The following NOX5 variants were observed in gnomAD, a reference collection of about 807,000 sequenced individuals.
NOX5 encodes the protein NADPH oxidase, EF-hand calcium binding domain 5.
In NOX5, 76 loss-of-function variants were observed where a neutral mutation model predicts 85.7. The ratio of observed to expected loss-of-function variants is 0.89; its 90% CI spans 0.74 to 1.07. NOX5 has a LOEUF of 1.07. NOX5 is among the 50% of genes least tolerant of loss of function. The pLI is 0.00. For synonymous variants in NOX5, 405 were observed against 401.4 expected (o/e 1.01, Z -0.11); for missense variants, 973 against 999.5 (o/e 0.97, Z 0.36).
At position 69,037,012 on chromosome 15, in the gene NOX5, C is replaced by G. The variant is rs770820094; in HGVS notation, c.1189-16C>G. 2.5e-6 allele frequency: 4 copies of G among 1,610,922 alleles called. No homozygotes were observed. The highest frequency in any genetic ancestry group is 3.4e-6 in the Non-Finnish European group (4 of 1,178,380). On this transcript the variant is annotated splice_polypyrimidine_tract_variant and intron_variant, in intron 7 of 15. Coordinates refer to ENST00000388866, the MANE Select transcript of NOX5 (RefSeq NM_024505.4). ...CCTTGAGCTCTGGAAGTTGACTGCCCCCCCTACCCCCATAGGTGTTCTATT... is the reference window on the plus strand; with the variant it reads ...CCTTGAGCTCTGGAAGTTGACTGCCGCCCCTACCCCCATAGGTGTTCTATT...
In NOX5 at chr15:69,062,652, A is replaced by G. The variant is rs1286768167; in HGVS notation, c.*5956A>G. 1 of 152,120 alleles carries G rather than the reference A, an allele frequency of 6.6e-6. No individual in the cohort carries two copies. The highest frequency in any genetic ancestry group is 2.4e-5 in the African/African-American group (1 of 41,412). 9.4% of individuals were successfully genotyped at this position (152,120 alleles called of 1,614,324 possible). A position where few individuals can be genotyped will look rare whatever the true frequency, so the allele number is the denominator to read the frequency against. ...CCTGACACTTGGAGCACCCTTCTCC[A>G]CTTTCAGATTGAGACTTCGGAACAC... On this transcript the variant is annotated 3_prime_UTR_variant, in exon 16 of 16. Transcript: ENST00000388866.
intron 3 of NOX5, chr15:69,029,334 T>C (rs2050399897): frequency 6.6e-6 from 1 of 152,244 alleles, no homozygotes; most frequent in Non-Finnish European, 1.5e-5. Context: ...AGAATTTTAT[T>C]CCTTTTAAGG....
intron 3 of NOX5, 192 bp from the exon 4 acceptor site, chr15:69,031,322 GCAAC>G (rs2050425680): frequency 1.7e-6 from 1 of 601,506 alleles, no homozygotes; most frequent in South Asian, 2.3e-5. Flanking sequence ...CTGGAGACAG[GCAAC>G]CACTGAAGCC....
Position 69,031,588 on chromosome 15 carries a change from C to T in NOX5, c.396C>T (p.Ser132=). Reference sequence around the variant, plus strand: ...GGGCAGGCCCGCACTGGGCTTCATCCCCACTCGGGACAGGCAGTGGCTCCA... The same window carrying T: ...GGGCAGGCCCGCACTGGGCTTCATCTCCACTCGGGACAGGCAGTGGCTCCA... ...GAGAGPHWAS[S]PLGTGSGSID... is the part of the protein sequence containing the mutation. Residue 132 remains serine, a synonymous_variant, in exon 4 of 16, where the codon TCC becomes TCT. Transcript: ENST00000388866. The T allele has an allele frequency of 1.2e-6, 2 of 1,613,066 alleles. No homozygotes were observed. The highest frequency in any genetic ancestry group is 1.7e-6 in the Non-Finnish European group (2 of 1,180,040).
Position 69,058,964 on chromosome 15 carries a change from T to G in NOX5, c.*2268T>G, listed in dbSNP as rs2050845528. ...CAGGATGTCTCACACATGCACTCAA[T>G]GCACACACACACATGCATGTCACCG... is the stretch of plus-strand genomic sequence containing the variant. On this transcript the variant is annotated 3_prime_UTR_variant, in exon 16 of 16. Transcript: ENST00000388866. The G allele has an allele frequency of 6.6e-6, 1 of 152,204 alleles. No individual in the cohort carries two copies. 9.4% of individuals were successfully genotyped at this position (152,204 alleles called of 1,614,324 possible). A position where few individuals can be genotyped will look rare whatever the true frequency, so the allele number is the denominator to read the frequency against.
intron 13 of NOX5, 24 bp from the exon 14 acceptor site, chr15:69,048,935 G>T: frequency 6.3e-7 from 1 of 1,586,370 alleles, no homozygotes; most frequent in South Asian, 1.1e-5. Context: ...CCCAGCCTCT[G>T]AGCTGAAGGG....
At chr15:69,049,374 A>G (rs922449586) in intron 14 of NOX5, among the ~76,000 whole-genome samples, 2 of 151,542 alleles carry the variant, frequency 1.3e-5, no homozygotes, top group African/African-American at 4.8e-5. Flanking sequence ...TTTTTCTCGT[A>G]GAGATGAAAT....
At chr15:69,039,563 G>C (rs1567102064) in intron 9 of NOX5, among the ~76,000 whole-genome samples, 1 of 152,180 alleles carries the variant, frequency 6.6e-6, no homozygotes, top group South Asian at 2.1e-4. Flanking sequence ...AGCCAGGAAT[G>C]GTTCTTAAGC....
At position 69,055,353 on chromosome 15, in the gene NOX5, T is replaced by C; in HGVS notation, c.2019T>C (p.His673=). 1 of 1,614,148 alleles carries C rather than the reference T, an allele frequency of 6.2e-7. No individual in the cohort carries two copies. The highest frequency in any genetic ancestry group is 1.1e-5 in the South Asian group (1 of 91,082). ...CAACAGGCCGCTTCCTGGAGCTGCA[T>C]ATGTACATGACATCTGCACTGGGCA... is the stretch of plus-strand genomic sequence containing the variant. ...EAQYGRFLEL[H]MYMTSALGKN... Residue 673 remains histidine (H), a synonymous_variant, in exon 15 of 16, where the codon CAT becomes CAC. Transcript: ENST00000388866.
At chr15:69,043,520 C>T (rs778795746) in intron 10 of NOX5, 2 of 152,300 alleles carry the variant, frequency 1.3e-5, no homozygotes, top group African/African-American at 4.8e-5. Context: ...CCTACCTTGC[C>T]ATTGGGGAAT....
intron 1 of NOX5, chr15:69,024,208 C>G (rs1261466651): frequency 6.6e-6 from 1 of 151,722 alleles, no homozygotes; most frequent in East Asian, 1.9e-4. Flanking sequence ...ATGATGTGTC[C>G]TCACATAAAA....
At chr15:69,055,148 C>G (rs1479187963) in intron 14 of NOX5, among the ~76,000 whole-genome samples, 186 bp from the exon 15 acceptor site, 3 of 152,192 alleles carry the variant, frequency 2.0e-5, no homozygotes, top group African/African-American at 7.2e-5. Flanking sequence ...GTGCCATGTA[C>G]ATAGTAGGCC....
intron 2 of NOX5, among the ~76,000 whole-genome samples, chr15:69,027,493 C>T (rs1312761031): frequency 6.6e-6 from 1 of 151,992 alleles, no homozygotes; most frequent in Non-Finnish European, 1.5e-5. Context: ...CTTGTGAACC[C>T]CTCATAGTTT....
rs1243525672 is a variant in NOX5 at position 69,035,911 on chromosome 15, G to A, written c.1163G>A (p.Cys388Tyr). ...CTCATGTTCATCTGCTCCAGTTCCT[G>A]CATCCGCAGGAGTGGCCACTTTGAG... is the stretch of plus-strand genomic sequence containing the variant. ...LLLMFICSSS[C>Y]IRRSGHFEVF... Residue 388 changes from cysteine (C) to tyrosine (Y), a missense_variant, in exon 7 of 16, where the codon TGC becomes TAC. Coordinates refer to ENST00000388866, the MANE Select transcript of NOX5 (RefSeq NM_024505.4). The A allele has an allele frequency of 6.2e-7, 1 of 1,614,036 alleles. No homozygotes were observed. Among genetic ancestry groups the A allele is most frequent in the Non-Finnish European group, 8.5e-7 (1 of 1,180,036 alleles).
At chr15:69,017,535 G>A (rs1018247238) in intron 1 of NOX5, among the ~76,000 whole-genome samples, 3 of 151,990 alleles carry the variant, frequency 2.0e-5, no homozygotes, top group African/African-American at 4.8e-5. Flanking sequence ...CCTACGACCC[G>A]GAAGCCCCTG....
Position 69,017,729 on chromosome 15 carries a change from G to A in NOX5, c.50+2944G>A, listed in dbSNP as rs530929062. Among the ~76,000 whole-genome samples the A allele has an allele frequency of 9.2e-5, 14 of 151,956 alleles. No individual in the cohort carries two copies. The South Asian group carries it at 2.7e-3, about 29-fold the overall frequency. ...GTCACTCGTATTTGGCTCAGAGTAAGTATCTTCAAGTATTTTATAGTTTGA... is the reference window on the plus strand; with the variant it reads ...GTCACTCGTATTTGGCTCAGAGTAAATATCTTCAAGTATTTTATAGTTTGA... On this transcript the variant is annotated intron_variant, in intron 1 of 15. Coordinates refer to ENST00000388866, the MANE Select transcript of NOX5 (RefSeq NM_024505.4).
rs750393447 is a variant in NOX5 at position 69,031,707 on chromosome 15, C to A, written c.515C>A (p.Ala172Glu). The A allele has an allele frequency of 2.6e-5, 42 of 1,612,966 alleles. No homozygotes were observed. The highest frequency in any genetic ancestry group is 2.5e-4 in the Admixed American group (15 of 59,946). ...PDEKLDQLTLALFESADADGN... is the reference protein window; with the variant it reads ...PDEKLDQLTLELFESADADGN... ...GAGAAGCTGGACCAGCTGACGCTGGCGCTCTTCGAATCGGCCGACGCGGAC... is the reference window on the plus strand; with the variant it reads ...GAGAAGCTGGACCAGCTGACGCTGGAGCTCTTCGAATCGGCCGACGCGGAC... The change falls in exon 4 of 16, where the codon GCG (alanine) becomes GAG (glutamate). Residue 172 changes from alanine (A) to glutamate (E), a missense_variant. Coordinates refer to ENST00000388866, the MANE Select transcript of NOX5 (RefSeq NM_024505.4).
At chr15:69,047,971 TAGG>T in intron 13 of NOX5, 60 bp downstream of exon 13, 1 of 1,462,714 alleles carries the variant, frequency 6.8e-7, no homozygotes, top group Non-Finnish European at 9.6e-7. Flanking sequence ...ACTCCTAAAA[TAGG>T]AGCCCATCCT....
chr15:69,021,373 G>A (rs1225854585), intron 1 of NOX5, among the ~76,000 whole-genome samples: 2 of 143,788 alleles, frequency 1.4e-5, no homozygotes, highest in Non-Finnish European at 3.0e-5. Context: ...TTTTGAGACA[G>A]CATCTGTGAT....
Sources: gnomAD v4.1 joint callset for allele counts (sites outside exome capture counted in the v4.1 genomes callset) on GRCh38, gnomAD v4.1.1 for gene constraint, MANE v1.5 for transcripts, NCBI Gene and HGNC (gene_info 2026-07-23, HGNC 2026-07-21) for gene names.